Variants in SOX5 observed in about 807,000 individuals in gnomAD.
SOX5 encodes SRY-box transcription factor 5.
In SOX5, 9 loss-of-function variants were observed where a neutral mutation model predicts 92.0. The observed-to-expected ratio is 0.10, with a 90% CI of 0.06 to 0.17. The LOEUF is 0.17. SOX5 is among the 10% of genes least tolerant of loss of function. The probability of loss-of-function intolerance (pLI) is 1.00; values close to 1 mark genes in which losing one functional copy is unlikely to be tolerated. For synonymous variants in SOX5, 344 were observed against 336.3 expected (o/e 1.02, Z -0.25); for missense variants, 642 against 944.5 (o/e 0.68, Z 4.20).
At chr12:23,716,371 T>C (rs1384156382) in intron 6 of SOX5, among the ~76,000 whole-genome samples, 2 of 152,224 alleles carry the variant, frequency 1.3e-5, no homozygotes, top group Admixed American at 6.5e-5. Context: ...ACATGTCTTA[T>C]TTCATATGTA....
At chr12:23,918,307 G>C (rs1170317315) in intron 1 of SOX5, among the ~76,000 whole-genome samples, 2 of 152,104 alleles carry the variant, frequency 1.3e-5, no homozygotes, top group African/African-American at 4.8e-5. Flanking sequence ...ATGGTTCCTA[G>C]AGAGTTCTAA....
At chr12:23,978,520 G>A (rs1949165574) in intron 4 of SOX5, among the ~76,000 whole-genome samples, 1 of 152,186 alleles carries the variant, frequency 6.6e-6, no homozygotes, top group Admixed American at 6.5e-5. Context: ...CGTTTTCTAA[G>A]CTGTTCAATG....
intron 1 of SOX5, among the ~76,000 whole-genome samples, chr12:24,556,511 T>A (rs992630642): frequency 1.3e-5 from 2 of 152,238 alleles, no homozygotes; most frequent in Non-Finnish European, 2.9e-5. Context: ...CAGATGGATT[T>A]CTTTTTCCAC....
intron 4 of SOX5, among the ~76,000 whole-genome samples, chr12:24,175,686 C>T (rs1954730211): frequency 6.6e-6 from 1 of 152,076 alleles, no homozygotes; most frequent in Non-Finnish European, 1.5e-5. Context: ...ATTCCCTGTC[C>T]ATCTCCAGTG....
At chr12:24,289,657 G>A (rs1197272929) in intron 2 of SOX5, among the ~76,000 whole-genome samples, 7 of 125,650 alleles carry the variant, frequency 5.6e-5, no homozygotes, top group East Asian at 2.2e-4. Flanking sequence ...GGGTTTCACC[G>A]TTTTAGCCGG....
chr12:24,268,222 C>T (rs1228987348), intron 3 of SOX5, among the ~76,000 whole-genome samples: 4 of 152,148 alleles, frequency 2.6e-5, no homozygotes, highest in Admixed American at 2.6e-4. Context: ...TAATTTTATG[C>T]TAACCTATTC....
At chr12:23,974,395 AC>A (rs1948686373) in intron 4 of SOX5, among the ~76,000 whole-genome samples, 1 of 152,108 alleles carries the variant, frequency 6.6e-6, no homozygotes, top group Non-Finnish European at 1.5e-5. Context: ...GCACTTATTG[AC>A]ACTAATGTTG....
At chr12:24,180,467 G>T (rs571484860) in intron 4 of SOX5, among the ~76,000 whole-genome samples, 7 of 152,238 alleles carry the variant, frequency 4.6e-5, no homozygotes, top group Admixed American at 4.6e-4. Flanking sequence ...CTGCAAATAA[G>T]CTTCTAAGTC....
chr12:24,231,736 T>C (rs908089967), intron 3 of SOX5, among the ~76,000 whole-genome samples: 3 of 152,228 alleles, frequency 2.0e-5, no homozygotes, highest in Non-Finnish European at 2.9e-5. Context: ...GTTATATTCC[T>C]TCCACCTAAA....
intron 4 of SOX5, among the ~76,000 whole-genome samples, chr12:24,068,940 A>G (rs1417431881): frequency 6.6e-6 from 1 of 151,146 alleles, no homozygotes; most frequent in Non-Finnish European, 1.5e-5. Flanking sequence ...ACTTATTTTT[A>G]TATAGTCCAA....
intron 7 of SOX5, among the ~76,000 whole-genome samples, chr12:23,644,804 G>A (rs765934827): frequency 2.6e-5 from 4 of 152,062 alleles, no homozygotes; most frequent in South Asian, 4.1e-4. Context: ...CTAAATTCAT[G>A]CAAACTAGTT....
At chr12:24,468,329 G>A (rs548014410) in intron 1 of SOX5, among the ~76,000 whole-genome samples, 2 of 152,292 alleles carry the variant, frequency 1.3e-5, no homozygotes, top group East Asian at 1.9e-4. Flanking sequence ...CTGTAAAATG[G>A]GGATGTAACA....
At chr12:24,175,593 TATC>T (rs1474616377) in intron 4 of SOX5, among the ~76,000 whole-genome samples, 1 of 152,212 alleles carries the variant, frequency 6.6e-6, no homozygotes, top group East Asian at 1.9e-4. Context: ...ACTACATATA[TATC>T]ATCTATGTCA....
intron 1 of SOX5, among the ~76,000 whole-genome samples, chr12:24,406,907 T>C (rs1963086712): frequency 6.6e-6 from 1 of 152,146 alleles, no homozygotes; most frequent in African/African-American, 2.4e-5. Flanking sequence ...CAAAATACGA[T>C]TAAAGAAACC....
chr12:23,661,178 T>G (rs2082995444), intron 7 of SOX5, among the ~76,000 whole-genome samples: 1 of 152,244 alleles, frequency 6.6e-6, no homozygotes, highest in Admixed American at 6.5e-5. Flanking sequence ...TGCGGATTTT[T>G]AAAATTTCCA....
chr12:24,110,807 G>A (rs546639020), intron 4 of SOX5, among the ~76,000 whole-genome samples: 152 of 148,942 alleles, frequency 1.0e-3, no homozygotes, highest in East Asian at 4.8e-3. Context: ...AGGCTGAGGC[G>A]GAAGGATGGC....
intron 1 of SOX5, among the ~76,000 whole-genome samples, chr12:24,529,544 A>C (rs1169440250): frequency 6.6e-6 from 1 of 152,250 alleles, no homozygotes; most frequent in Non-Finnish European, 1.5e-5. Context: ...AAAAGAAAAC[A>C]AGAAGCAGAA....
chr12:23,651,301 TC>T, intron 7 of SOX5, among the ~76,000 whole-genome samples: 1 of 152,120 alleles, frequency 6.6e-6, no homozygotes, highest in East Asian at 1.9e-4. Flanking sequence ...AAATTATTAT[TC>T]CCATTCTACA....
At chr12:23,914,720 C>T (rs1424659365) in intron 1 of SOX5, among the ~76,000 whole-genome samples, 1 of 152,110 alleles carries the variant, frequency 6.6e-6, no homozygotes, top group African/African-American at 2.4e-5. Flanking sequence ...TAGTAGTTCA[C>T]ATTTATTCAT....
Sources: gnomAD v4.1 joint callset for allele counts (sites outside exome capture counted in the v4.1 genomes callset) on GRCh38, gnomAD v4.1.1 for gene constraint, MANE v1.5 for transcripts, NCBI Gene and HGNC (gene_info 2026-07-23, HGNC 2026-07-21) for gene names.